The following RGS12 variants were observed in gnomAD, a reference collection of about 807,000 sequenced individuals.
RGS12 encodes regulator of G-protein signaling 12.
A neutral mutation model predicts 120.1 loss-of-function variants in RGS12; 66 were observed. The observed-to-expected ratio is 0.55, with a 90% CI of 0.45 to 0.67. The LOEUF (loss-of-function observed/expected upper bound fraction) is 0.67, where lower values mean the gene tolerates loss of function less well. RGS12 is among the 30% of genes least tolerant of loss of function. The pLI, the probability that RGS12 is intolerant of heterozygous loss-of-function variation, is 0.00. For synonymous variants in RGS12, 827 were observed against 804.7 expected, an observed-to-expected ratio of 1.03 and a Z score of -0.47; for missense variants, 1,859 against 1,957.7, an observed-to-expected ratio of 0.95 and a Z score of 0.95.
Position 3,309,637 on chromosome 4 carries a change from A to G in RGS12, c.-101-6433A>G, listed in dbSNP as rs1724219733. 1.1e-4 allele frequency among the ~76,000 whole-genome samples: 11 copies of G among 100,172 alleles called. 1 individual carries two copies. Among genetic ancestry groups the G allele is most frequent in the African/African-American group, 3.6e-4 (8 of 22,090 alleles). The allele number at this position is 100,172 out of a possible 152,430, so 65.7% of individuals were successfully genotyped here. On this transcript the variant is annotated intron_variant, in intron 1 of 17. Coordinates refer to ENST00000336727, the MANE Select transcript of RGS12 (RefSeq NM_001394154.1). The stretch of plus-strand genomic sequence containing the variant: ...GAATGGCAGGTGTCCGCTGAGGGGA[A>G]CCGTGTGGGGGAGGAGCTGGGACCC...
chr4:3,358,297 G>A (rs1715089608), intron 3 of RGS12, among the ~76,000 whole-genome samples: 1 of 151,984 alleles, frequency 6.6e-6, no homozygotes, highest in South Asian at 2.1e-4. Flanking sequence ...AATTTTACTT[G>A]TTTGTTTCCA....
At chr4:3,383,471 T>C (rs1244271920) in intron 3 of RGS12, among the ~76,000 whole-genome samples, 1 of 151,940 alleles carries the variant, frequency 6.6e-6, no homozygotes, top group African/African-American at 2.4e-5. Context: ...GCTGAGCATG[T>C]TGGTGAACTC....
At chr4:3,349,886 G>C (rs1185205871) in intron 3 of RGS12, among the ~76,000 whole-genome samples, 1 of 152,136 alleles carries the variant, frequency 6.6e-6, no homozygotes, top group Non-Finnish European at 1.5e-5. Flanking sequence ...AAATGACTTA[G>C]ACATTTTATG....
At chr4:3,294,788 C>A (rs148495101) in intron 1 of RGS12, among the ~76,000 whole-genome samples, 8 of 152,222 alleles carry the variant, frequency 5.3e-5, no homozygotes, top group African/African-American at 1.9e-4. Flanking sequence ...TGCAATGATG[C>A]GGATGCCTCT....
At chr4:3,411,846 C>T (rs1177918023) in intron 4 of RGS12, among the ~76,000 whole-genome samples, 19 of 152,290 alleles carry the variant, frequency 1.2e-4, no homozygotes, top group Admixed American at 1.2e-3. Flanking sequence ...CCCCAGCCCT[C>T]CTGGCTTGGC....
At chr4:3,313,240 G>A (rs936983831) in intron 1 of RGS12, among the ~76,000 whole-genome samples, 1 of 152,172 alleles carries the variant, frequency 6.6e-6, no homozygotes, top group South Asian at 2.1e-4. Flanking sequence ...CGAATAAACT[G>A]GGAAGTCATG....
intron 2 of RGS12, among the ~76,000 whole-genome samples, chr4:3,332,170 G>C (rs1433339690): frequency 6.6e-6 from 1 of 152,200 alleles, no homozygotes; most frequent in Non-Finnish European, 1.5e-5. Flanking sequence ...CTGTTGGCTC[G>C]TGTTCTATGG....
chr4:3,371,232 G>A (rs1010674340), intron 3 of RGS12, among the ~76,000 whole-genome samples: 2 of 152,210 alleles, frequency 1.3e-5, no homozygotes, highest in Admixed American at 6.5e-5. Context: ...GTGAAGCTGC[G>A]TGAGGCTCGG....
chr4:3,399,971 A>G (rs556733986), intron 4 of RGS12, among the ~76,000 whole-genome samples: 73 of 152,376 alleles, frequency 4.8e-4, no homozygotes, highest in African/African-American at 1.6e-3. Context: ...GAATCAGGTC[A>G]TGGCTCTCAG....
Position 3,414,273 on chromosome 4 carries a change from C to A in RGS12, c.2190+32C>A, listed in dbSNP as rs113509553. 67,293 of 1,510,586 alleles carry A rather than the reference C, an allele frequency of 0.045. 2,096 individuals are homozygous for A. The highest frequency in any genetic ancestry group is 0.12 in the Middle Eastern group (656 of 5,630). The allele number at this position is 1,510,586 out of a possible 1,614,324, so 93.6% of individuals were successfully genotyped here. ...AGGGAAGGGCCCAGGAGCAGCGGAG[C>A]GGTCTGTGCTCTGCAGAGACTACCG... On this transcript the variant is annotated intron_variant, in intron 5 of 17. Transcript: ENST00000336727.
rs1017694784 is a variant in RGS12 at position 3,374,997 on chromosome 4, A to T, written c.1999-11419A>T. Among the ~76,000 whole-genome samples the T allele has an allele frequency of 6.6e-6, 1 of 152,122 alleles. No homozygotes were observed. Among genetic ancestry groups the T allele is most frequent in the East Asian group, 1.9e-4 (1 of 5,182 alleles). On this transcript the variant is annotated intron_variant, in intron 3 of 17. Transcript: ENST00000336727. This position sits in a 1 kb window ranked among gnomAD's most constrained non-coding sequence, Gnocchi z 6.3. Reference sequence around the variant, plus strand: ...TTGCCAAGTGAGTGGGAGCGTTCTCAGCTTGCGTTTGCCATGCACCGCCTG... The same window carrying T: ...TTGCCAAGTGAGTGGGAGCGTTCTCTGCTTGCGTTTGCCATGCACCGCCTG...
chr4:3,316,086 G>A lies in RGS12; in HGVS notation c.-85G>A. On this transcript the variant is annotated 5_prime_UTR_variant, in exon 2 of 18. Coordinates refer to ENST00000336727, the MANE Select transcript of RGS12 (RefSeq NM_001394154.1). ...CTTTCTTAGGGCACTGTTTGAAGAAGCAAACATGGTAGCATCAAGCATTCC... is the reference window on the plus strand; with the variant it reads ...CTTTCTTAGGGCACTGTTTGAAGAAACAAACATGGTAGCATCAAGCATTCC... 2.2e-6 allele frequency: 3 copies of A among 1,378,654 alleles called. No individual in the cohort carries two copies. Among genetic ancestry groups the A allele is most frequent in the Non-Finnish European group, 2.0e-6 (2 of 1,018,706 alleles). 85.4% of individuals were successfully genotyped at this position (1,378,654 alleles called of 1,614,324 possible).
intron 3 of RGS12, among the ~76,000 whole-genome samples, chr4:3,381,296 G>A (rs1718231307): frequency 6.6e-6 from 1 of 152,156 alleles, no homozygotes; most frequent in African/African-American, 2.4e-5. Flanking sequence ...ACATATTTCT[G>A]TCTTCTTCTG....
In RGS12 at chr4:3,366,568, T is replaced by C. The variant is rs1716330248; in HGVS notation, c.1999-19848T>C. Among the ~76,000 whole-genome samples the C allele has an allele frequency of 6.6e-6, 1 of 152,176 alleles. No individual in the cohort carries two copies. Among genetic ancestry groups the C allele is most frequent in the African/African-American group, 2.4e-5 (1 of 41,430 alleles). ...GAGGCAGCAGGGCTTGCGGCCGGGA[T>C]CCACCAGGGCCGTCCCGGTTCCTGG... is the stretch of plus-strand genomic sequence containing the variant. On this transcript the variant is annotated intron_variant, in intron 3 of 17. Coordinates refer to ENST00000336727, the MANE Select transcript of RGS12 (RefSeq NM_001394154.1). This position sits in a 1 kb window ranked among gnomAD's most constrained non-coding sequence, Gnocchi z 4.0.
At chr4:3,330,671 A>G (rs745448321) in intron 2 of RGS12, among the ~76,000 whole-genome samples, 1 of 152,250 alleles carries the variant, frequency 6.6e-6, no homozygotes, top group African/African-American at 2.4e-5. Flanking sequence ...CTCATTTTAA[A>G]GTAATACGAG....
intron 3 of RGS12, chr4:3,370,049 T>A: frequency 7.9e-7 from 1 of 1,268,794 alleles, no homozygotes; most frequent in African/African-American, 1.5e-5. Context: ...ACAGCGTGAT[T>A]TATGTAAACG....
At chr4:3,427,386 G>A (rs1723769521) in intron 14 of RGS12, among the ~76,000 whole-genome samples, 1 of 152,220 alleles carries the variant, frequency 6.6e-6, no homozygotes, top group African/African-American at 2.4e-5. Flanking sequence ...GCTTGAGGCC[G>A]TTAGTGCCAG....
chr4:3,319,562 G>A (rs1335209838), intron 2 of RGS12, among the ~76,000 whole-genome samples: 1 of 152,012 alleles, frequency 6.6e-6, no homozygotes, highest in African/African-American at 2.4e-5. Context: ...TGAGTAGCTG[G>A]GACTACTGAG....
chr4:3,380,364 G>C (rs773975699), intron 3 of RGS12, among the ~76,000 whole-genome samples: 1 of 152,228 alleles, frequency 6.6e-6, no homozygotes, highest in Non-Finnish European at 1.5e-5. Flanking sequence ...CCAGGTGCAT[G>C]ATGCAAGCTG....
Sources: allele counts gnomAD v4.1 joint callset (sites outside exome capture counted in the v4.1 genomes callset), GRCh38; gene constraint gnomAD v4.1.1; non-coding constraint Gnocchi (gnomAD v3.1); transcripts MANE v1.5; gene names NCBI Gene and HGNC (gene_info 2026-07-23, HGNC 2026-07-21).